The following PCNX1 variants were observed in gnomAD, a reference collection of about 807,000 sequenced individuals.
PCNX1 encodes the protein pecanex-like protein 1.
A neutral mutation model predicts 242.2 loss-of-function variants in PCNX1; 78 were observed. The ratio of observed to expected loss-of-function variants is 0.32; its 90% confidence interval spans 0.27 to 0.39. The LOEUF is 0.39. Among genes scored for constraint, PCNX1 ranks in the 10% least tolerant of loss-of-function variants. PCNX1 has a pLI of 1.00. For synonymous variants in PCNX1, 1,024 were observed against 1,032.9 expected, an observed-to-expected ratio of 0.99 and a Z score of 0.17; for missense variants, 2,581 against 2,856.5, an observed-to-expected ratio of 0.90 and a Z score of 2.20.
At chr14:70,949,144 GTA>G (rs36178843) in intron 2 of PCNX1, among the ~76,000 whole-genome samples, 65,213 of 145,346 alleles carry the variant, frequency 0.45, 15,895 homozygotes, top group Non-Finnish European at 0.55. Flanking sequence ...ATACACATAT[GTA>G]TATGTGTATA....
chr14:71,084,310 G>A (rs985062924), intron 28 of PCNX1, among the ~76,000 whole-genome samples: 8 of 152,228 alleles, frequency 5.3e-5, no homozygotes, highest in African/African-American at 1.9e-4. Context: ...GCGTCTCCCA[G>A]TCAGGATGCA....
chr14:71,018,929 A>G, intron 11 of PCNX1, 80 bp from the exon 12 acceptor site: 2 of 1,201,222 alleles, frequency 1.7e-6, no homozygotes, highest in South Asian at 1.5e-5. Flanking sequence ...CTTCATATTT[A>G]TGTCTTCCCT....
chr14:71,011,696 T>C (rs2059825709), intron 10 of PCNX1, 147 bp downstream of exon 10: 1 of 598,984 alleles, frequency 1.7e-6, no homozygotes, highest in Non-Finnish European at 3.0e-6. Context: ...TTTGCTGCCC[T>C]CCAGTGGCTC....
chr14:70,997,381 G>A (rs1260703298), intron 8 of PCNX1, among the ~76,000 whole-genome samples: 1 of 152,062 alleles, frequency 6.6e-6, no homozygotes, highest in Non-Finnish European at 1.5e-5. Context: ...CTTAGATCAA[G>A]CATAAAATGA....
intron 28 of PCNX1, among the ~76,000 whole-genome samples, chr14:71,079,309 T>G (rs1396381210): frequency 6.6e-6 from 1 of 152,224 alleles, no homozygotes; most frequent in Non-Finnish European, 1.5e-5. Context: ...TAAATATACA[T>G]GTGCATGTGT....
chr14:70,977,753 C>A lies in PCNX1; in HGVS notation c.1416C>A (p.Pro472=). The change falls in exon 6 of 36, where the codon CCC becomes CCA. Residue 472 remains proline, a synonymous_variant. Coordinates refer to ENST00000304743, the MANE Select transcript of PCNX1 (RefSeq NM_014982.3). ...SGVHEAKDPT[P]SDEMHNQRGL... is the part of the protein sequence containing the mutation. ...TTCACGAGGCCAAGGACCCCACCCC[C>A]TCTGATGAGATGCACAACCAGAGAG... 1 of 1,614,104 alleles carries A rather than the reference C, an allele frequency of 6.2e-7. No homozygotes were observed. Among genetic ancestry groups the A allele is most frequent in the East Asian group, 2.2e-5 (1 of 44,862 alleles).
In PCNX1 at chr14:70,972,450, G is replaced by A. The variant is rs182017797; in HGVS notation, c.604+3340G>A. On this transcript the variant is annotated intron_variant, in intron 5 of 35. Transcript: ENST00000304743. ...AATCAGTCATGTCAGTTAAGGGGTT[G>A]GGTATTATTAAGTTGATGAAGTATC... 2.9e-3 allele frequency among the ~76,000 whole-genome samples: 438 copies of A among 152,296 alleles called. 5 individuals are homozygous for A. Among genetic ancestry groups the A allele is most frequent in the South Asian group, 0.022 (104 of 4,826 alleles).
chr14:70,990,648 GGATTA>G (rs2059137804), intron 7 of PCNX1, among the ~76,000 whole-genome samples: 1 of 151,790 alleles, frequency 6.6e-6, no homozygotes, highest in East Asian at 1.9e-4. Flanking sequence ...AAAGTAATAT[GGATTA>G]ATTAAACCAA....
chr14:70,917,352 A>G (rs2056191063), intron 1 of PCNX1, among the ~76,000 whole-genome samples: 1 of 152,212 alleles, frequency 6.6e-6, no homozygotes, highest in Non-Finnish European at 1.5e-5. Context: ...ACTGTCTGAC[A>G]GCCTTATGAA....
At chr14:70,998,767 A>G (rs77289876) in intron 8 of PCNX1, among the ~76,000 whole-genome samples, 6,142 of 151,080 alleles carry the variant, frequency 0.041, 273 homozygotes, top group African/African-American at 0.12. Context: ...AAAAAAAAAA[A>G]AAAAAGAAAA....
chr14:71,079,694 G>C (rs1213382113), intron 28 of PCNX1, among the ~76,000 whole-genome samples: 1 of 151,996 alleles, frequency 6.6e-6, no homozygotes, highest in African/African-American at 2.4e-5. Context: ...AGAAGTGTCT[G>C]TTCATATCCT....
At position 71,019,040 on chromosome 14, in the gene PCNX1, G is replaced by A. The variant is rs916553110; in HGVS notation, c.3028G>A (p.Val1010Ile). 1.6e-5 allele frequency: 26 copies of A among 1,612,682 alleles called. No individual in the cohort carries two copies. The highest frequency in any genetic ancestry group is 2.2e-5 in the Non-Finnish European group (26 of 1,179,324). The change falls in exon 12 of 36, where the codon GTC (valine) becomes ATC (isoleucine). Residue 1010 changes from valine (V) to isoleucine (I), a missense_variant. Coordinates refer to ENST00000304743, the MANE Select transcript of PCNX1 (RefSeq NM_014982.3). ...TGAGATCCTGGAAAATGTGTTAGCTGTCATCCTGGCTATTCTCGTGGCCTT... is the reference window on the plus strand; with the variant it reads ...TGAGATCCTGGAAAATGTGTTAGCTATCATCCTGGCTATTCTCGTGGCCTT... Reference protein sequence around the residue: ...NREILENVLAVILAILVAFLG... With the variant: ...NREILENVLAIILAILVAFLG...
intron 32 of PCNX1, among the ~76,000 whole-genome samples, chr14:71,104,910 G>A (rs1031900140): frequency 5.4e-5 from 8 of 148,462 alleles, no homozygotes; most frequent in South Asian, 2.1e-4. Context: ...TGGTGACAGC[G>A]AGACTCCGTC....
At chr14:71,064,467 A>G (rs956970578) in intron 26 of PCNX1, among the ~76,000 whole-genome samples, 3 of 152,148 alleles carry the variant, frequency 2.0e-5, no homozygotes, top group Non-Finnish European at 2.9e-5. Flanking sequence ...TCCTCTTGCC[A>G]TGTATGATTT....
intron 26 of PCNX1, among the ~76,000 whole-genome samples, chr14:71,072,683 G>A (rs917312184): frequency 1.3e-5 from 2 of 152,078 alleles, no homozygotes; most frequent in African/African-American, 2.4e-5. Flanking sequence ...AGTTAAGTAT[G>A]ATTACTTTAT....
chr14:71,046,364 TCAG>T (rs1178963609), intron 20 of PCNX1, among the ~76,000 whole-genome samples: 1 of 152,108 alleles, frequency 6.6e-6, no homozygotes, highest in Non-Finnish European at 1.5e-5. Flanking sequence ...AAATTTTGAA[TCAG>T]CATATCATTT....
chr14:70,989,480 C>G (rs1370046397), intron 7 of PCNX1, among the ~76,000 whole-genome samples: 2 of 151,218 alleles, frequency 1.3e-5, no homozygotes, highest in East Asian at 3.9e-4. Flanking sequence ...ATATAAAAAT[C>G]TATCCAAAAG....
At chr14:70,953,477 T>G (rs1241514898) in intron 2 of PCNX1, among the ~76,000 whole-genome samples, 2 of 151,904 alleles carry the variant, frequency 1.3e-5, no homozygotes, top group African/African-American at 4.8e-5. Flanking sequence ...TAGGAATTTT[T>G]TATTTTTTTA....
At chr14:71,059,784 C>G (rs1477087747) in intron 26 of PCNX1, among the ~76,000 whole-genome samples, 1 of 152,140 alleles carries the variant, frequency 6.6e-6, no homozygotes, top group Non-Finnish European at 1.5e-5. Context: ...AATTCAAATG[C>G]CTGAACACAT....
Sources: gnomAD v4.1 joint callset for allele counts (sites outside exome capture counted in the v4.1 genomes callset) on GRCh38, gnomAD v4.1.1 for gene constraint, MANE v1.5 for transcripts, NCBI Gene and HGNC (gene_info 2026-07-23, HGNC 2026-07-21) for gene names.